FNBP1: variants seen among roughly 807,000 people sequenced by gnomAD.
FNBP1 encodes the protein formin-binding protein 1.
Under a neutral mutation model 90.6 loss-of-function variants are expected in FNBP1, and 26 were observed. The observed-to-expected ratio is 0.29, with a 90% CI of 0.21 to 0.40. The LOEUF (loss-of-function observed/expected upper bound fraction) is 0.40, where lower values mean the gene tolerates loss of function less well. Ranked by LOEUF, FNBP1 falls within the 10% of genes least tolerant of loss-of-function variation. FNBP1 has a pLI of 1.00. For synonymous variants in FNBP1, 260 were observed against 265.2 expected (o/e 0.98, Z 0.19); for missense variants, 635 against 768.0 (o/e 0.83, Z 2.05).
intron 16 of FNBP1, among the ~76,000 whole-genome samples, chr9:129,894,599 C>T (rs1037571762): frequency 4.6e-5 from 7 of 152,206 alleles, no homozygotes; most frequent in African/African-American, 1.4e-4. Flanking sequence ...TGCCACACCA[C>T]GTTCTCTTTA....
At chr9:130,009,465 C>T (rs1023584391) in intron 1 of FNBP1, among the ~76,000 whole-genome samples, 1 of 152,002 alleles carries the variant, frequency 6.6e-6, no homozygotes, top group Non-Finnish European at 1.5e-5. Context: ...AGTTTGAGAC[C>T]AGCCTGGCCA....
At chr9:129,973,665 TA>T (rs796902838) in intron 4 of FNBP1, among the ~76,000 whole-genome samples, 73 of 147,434 alleles carry the variant, frequency 5.0e-4, no homozygotes, top group African/African-American at 1.8e-3. Context: ...CATGCCCGGC[TA>T]ATTTTTTTTT....
At chr9:129,911,701 G>A (rs1427280500) in intron 11 of FNBP1, among the ~76,000 whole-genome samples, 3 of 152,108 alleles carry the variant, frequency 2.0e-5, no homozygotes, top group Non-Finnish European at 4.4e-5. Flanking sequence ...GGGAGGCTGA[G>A]GCAGGCAGAT....
At chr9:129,963,775 C>T (rs1234797933) in intron 4 of FNBP1, among the ~76,000 whole-genome samples, 4 of 151,944 alleles carry the variant, frequency 2.6e-5, no homozygotes, top group African/African-American at 9.7e-5. Context: ...CCACCACGCC[C>T]GGCTAATTTT....
chr9:129,921,071 T>A (rs944054171), intron 10 of FNBP1, among the ~76,000 whole-genome samples: 7 of 152,202 alleles, frequency 4.6e-5, no homozygotes, highest in African/African-American at 1.7e-4. Flanking sequence ...TTCACATCTT[T>A]AGGAAATTAC....
chr9:129,987,393 T>C (rs2052449173), intron 2 of FNBP1, among the ~76,000 whole-genome samples: 1 of 152,012 alleles, frequency 6.6e-6, no homozygotes, highest in Admixed American at 6.6e-5. Context: ...ATAACTCAAC[T>C]AGAAGAAGGA....
intron 1 of FNBP1, among the ~76,000 whole-genome samples, chr9:130,037,038 C>G (rs1056406324): frequency 8.0e-6 from 1 of 124,768 alleles, no homozygotes; most frequent in Non-Finnish European, 1.7e-5. Flanking sequence ...CAGCGAGACT[C>G]CATCTCAAAA....
At chr9:129,936,461 C>T (rs1015351535) in intron 6 of FNBP1, 1 of 152,152 alleles carries the variant, frequency 6.6e-6, no homozygotes, top group African/African-American at 2.4e-5. Context: ...AGCACAGCAC[C>T]GATCCCGATT....
At chr9:129,979,510 A>C (rs997259904) in intron 2 of FNBP1, 136 bp from the exon 3 acceptor site, 3 of 622,926 alleles carry the variant, frequency 4.8e-6, no homozygotes, top group African/African-American at 3.6e-5. Flanking sequence ...CATTTCCTTC[A>C]ATCTTTCAAC....
chr9:129,919,083 C>A, intron 10 of FNBP1: 1 of 506,360 alleles, frequency 2.0e-6, no homozygotes, highest in Non-Finnish European at 3.5e-6. Context: ...GCCTCTGGGT[C>A]CCCAGTCTTG....
At chr9:129,896,037 A>G in intron 15 of FNBP1, 41 bp from the exon 16 acceptor site, 1 of 1,551,576 alleles carries the variant, frequency 6.4e-7, no homozygotes, top group East Asian at 2.3e-5. Context: ...GTCTTGGCAA[A>G]TGCAGGGAGG....
the FNBP1 span, among the ~76,000 whole-genome samples, chr9:130,052,651 C>T: frequency 5.3e-5 from 8 of 151,846 alleles, no homozygotes; most frequent in African/African-American, 1.5e-4. Context: ...CCAGGCTGGT[C>T]CCGAACAACT....
intron 2 of FNBP1, among the ~76,000 whole-genome samples, chr9:129,992,222 G>T (rs540631158): frequency 3.0e-4 from 46 of 152,248 alleles, no homozygotes; most frequent in Non-Finnish European, 1.0e-4. Flanking sequence ...CCAGTAGCCC[G>T]CTTGAGAGCT....
rs78382753 is a variant in FNBP1, at chr9:129,903,052, T to A, written c.1296-51A>T. Reference sequence around the variant, plus strand: ...TGTAAAGGTTACTCCATTTTTTTTTTAGACAGTTTCACTCTTGTCACCCAG... The same window carrying A: ...TGTAAAGGTTACTCCATTTTTTTTTAAGACAGTTTCACTCTTGTCACCCAG... On this transcript the variant is annotated intron_variant, in intron 12 of 16. Coordinates refer to ENST00000446176, the MANE Select transcript of FNBP1 (RefSeq NM_015033.3). The A allele has an allele frequency of 3.9e-6, 6 of 1,519,766 alleles. No individual in the cohort carries two copies. In the African/African-American group the frequency reaches 5.6e-5, roughly 14 times the overall value. The allele number at this position is 1,519,766 out of a possible 1,614,324, so 94.1% of individuals were successfully genotyped here. A position where few individuals can be genotyped will look rare whatever the true frequency, so the allele number is the denominator to read the frequency against.
intron 11 of FNBP1, chr9:129,914,992 G>A: frequency 2.7e-6 from 1 of 370,962 alleles, no homozygotes; most frequent in Non-Finnish European, 5.7e-6. Context: ...TAAATTTAAT[G>A]ATTAGTTTGA....
At chr9:129,893,295 C>T (rs1455966503) in intron 16 of FNBP1, among the ~76,000 whole-genome samples, 1 of 151,816 alleles carries the variant, frequency 6.6e-6, no homozygotes, top group Admixed American at 6.6e-5. Context: ...TGATACTATG[C>T]CAGCAAAAGT....
intron 6 of FNBP1, among the ~76,000 whole-genome samples, chr9:129,953,981 C>T (rs1490165828): frequency 6.6e-6 from 1 of 151,520 alleles, no homozygotes; most frequent in African/African-American, 2.4e-5. Context: ...GAGGCTGAGG[C>T]CAACCTGGGC....
At chr9:129,973,334 AGAAAT>A (rs773816217) in intron 4 of FNBP1, among the ~76,000 whole-genome samples, 2 of 152,248 alleles carry the variant, frequency 1.3e-5, no homozygotes, top group Non-Finnish European at 2.9e-5. Flanking sequence ...ACCAGAAGAC[AGAAAT>A]GATAGCATTC....
chr9:129,972,235 G>C (rs1415094976), intron 4 of FNBP1, among the ~76,000 whole-genome samples: 1 of 152,094 alleles, frequency 6.6e-6, no homozygotes, highest in African/African-American at 2.4e-5. Context: ...CCGGGTTCAA[G>C]CGATTCTCCT....
Sources: gnomAD v4.1 joint callset for allele counts (sites outside exome capture counted in the v4.1 genomes callset) on GRCh38, gnomAD v4.1.1 for gene constraint, MANE v1.5 for transcripts, NCBI Gene and HGNC (gene_info 2026-07-23, HGNC 2026-07-21) for gene names.